The following EYA3 variants were observed in gnomAD, a reference collection of about 807,000 sequenced individuals.
EYA3 encodes the protein protein phosphatase EYA3.
Under a neutral mutation model 80.0 loss-of-function variants are expected in EYA3, and 39 were observed. The ratio of observed to expected loss-of-function variants is 0.49; its 90% CI spans 0.38 to 0.64. The LOEUF (loss-of-function observed/expected upper bound fraction) is 0.64, where lower values mean the gene tolerates loss of function less well. Ranked by LOEUF, EYA3 falls within the 30% of genes least tolerant of loss-of-function variation. The pLI is 0.00. For synonymous variants in EYA3, 206 were observed against 232.8 expected, an observed-to-expected ratio of 0.88 and a Z score of 1.05; for missense variants, 523 against 676.1, an observed-to-expected ratio of 0.77 and a Z score of 2.51.
intron 1 of EYA3, among the ~76,000 whole-genome samples, chr1:28,070,561 CA>C (rs1408010909): frequency 6.8e-6 from 1 of 147,854 alleles, no homozygotes; most frequent in African/African-American, 2.5e-5. Context: ...GACTCCGTCT[CA>C]AAAAAAAGAG....
intron 6 of EYA3, among the ~76,000 whole-genome samples, chr1:28,029,593 CTT>C (rs1226877063): frequency 2.2e-4 from 30 of 135,908 alleles, no homozygotes; most frequent in Admixed American, 3.0e-4. Flanking sequence ...AAAGAAAATC[CTT>C]TTTTTTTTTT....
chr1:28,026,193 T>C lies in EYA3; in HGVS notation c.499+1596A>G, dbSNP rs139047459. ...CTACAGAGGAATGGTGGTTTTACAT[T>C]TTGGTAGAGCATTAAGAGAACCCTT... On this transcript the variant is annotated intron_variant, in intron 7 of 17. Coordinates refer to ENST00000373871, the MANE Select transcript of EYA3 (RefSeq NM_001990.4). Among the ~76,000 whole-genome samples the C allele has an allele frequency of 3.0e-3, 461 of 152,332 alleles. 2 individuals are homozygous for C. Among genetic ancestry groups the C allele is most frequent in the African/African-American group, 0.01 (426 of 41,570 alleles).
At position 27,997,447 on chromosome 1, in the gene EYA3, TA is replaced by T. The variant is rs1360277327; in HGVS notation, c.1084-70del. On this transcript the variant is annotated intron_variant, in intron 12 of 17. Coordinates refer to ENST00000373871, the MANE Select transcript of EYA3 (RefSeq NM_001990.4). ...GTGATATTACCATCATGACATACTA[TA>T]AAAAGACCATATACAGTGGCAGGAT... The T allele has an allele frequency of 5.2e-5, 69 of 1,326,424 alleles. No homozygotes were observed. In the Admixed American group the frequency reaches 1.1e-3, roughly 22 times the overall value. 82.2% of individuals were successfully genotyped at this position (1,326,424 alleles called of 1,614,324 possible).
At chr1:28,074,202 G>A (rs1645125954) in intron 1 of EYA3, among the ~76,000 whole-genome samples, 1 of 152,104 alleles carries the variant, frequency 6.6e-6, no homozygotes, top group Non-Finnish European at 1.5e-5. Flanking sequence ...TATTCTAAAT[G>A]TGACTACCTT....
At chr1:28,026,296 G>T (rs887803001) in intron 7 of EYA3, among the ~76,000 whole-genome samples, 10 of 152,142 alleles carry the variant, frequency 6.6e-5, no homozygotes, top group Non-Finnish European at 1.5e-5. Context: ...CTTACCTGTG[G>T]TTGAACCCAA....
In EYA3 at chr1:28,042,661, CA is replaced by C; in HGVS notation, c.78-12del. ...GGATTGCTTACTTGACTGGGAGAAC[CA>C]AAATGAATACATTAGCCCCTGATTG... On this transcript the variant is annotated splice_polypyrimidine_tract_variant and intron_variant, in intron 3 of 17. Transcript: ENST00000373871. 1 of 1,609,776 alleles carries C rather than the reference CA, an allele frequency of 6.2e-7. No homozygotes were observed. Among genetic ancestry groups the C allele is most frequent in the Non-Finnish European group, 8.5e-7 (1 of 1,176,066 alleles).
chr1:28,061,391 G>T (rs911847311), intron 1 of EYA3, among the ~76,000 whole-genome samples: 1 of 152,138 alleles, frequency 6.6e-6, no homozygotes, highest in Non-Finnish European at 1.5e-5. Flanking sequence ...ATTTATCAAT[G>T]TTTAAAACTT....
At chr1:28,076,497 G>A (rs546326579) in intron 1 of EYA3, among the ~76,000 whole-genome samples, 2 of 151,722 alleles carry the variant, frequency 1.3e-5, no homozygotes, top group African/African-American at 2.4e-5. Context: ...GATTACTTGA[G>A]GTCAGGAGTT....
chr1:27,988,778 T>C, intron 15 of EYA3, 122 bp from the exon 16 acceptor site: 2 of 1,084,498 alleles, frequency 1.8e-6, no homozygotes, highest in South Asian at 1.5e-5. Flanking sequence ...CCTGGTATTA[T>C]ACTGTTCAGA....
intron 11 of EYA3, among the ~76,000 whole-genome samples, chr1:28,002,424 T>C (rs1207946974): frequency 2.0e-5 from 3 of 150,574 alleles, no homozygotes; most frequent in Admixed American, 6.6e-5. Flanking sequence ...TATAAATATA[T>C]ATATAATTTT....
intron 5 of EYA3, 116 bp from the exon 6 acceptor site, chr1:28,035,796 C>T: frequency 1.0e-6 from 1 of 989,218 alleles, no homozygotes; most frequent in Non-Finnish European, 1.5e-6. Flanking sequence ...ACTAATCTTC[C>T]ACATAAAATG....
chr1:28,037,323 AG>A (rs1267814190), intron 5 of EYA3, among the ~76,000 whole-genome samples: 2 of 152,258 alleles, frequency 1.3e-5, no homozygotes, highest in African/African-American at 4.8e-5. Flanking sequence ...TGAATGTAGC[AG>A]GTATGCAAAT....
At chr1:28,022,384 G>A (rs1020520284) in intron 7 of EYA3, among the ~76,000 whole-genome samples, 17 of 151,802 alleles carry the variant, frequency 1.1e-4, no homozygotes, top group Non-Finnish European at 2.4e-4. Flanking sequence ...TCCTGACCTC[G>A]TGATCTGCCT....
Position 28,042,652 on chromosome 1 carries a change from T to G in EYA3, c.78-2A>C. 6.2e-7 allele frequency: 1 copy of G among 1,613,766 alleles called. No individual in the cohort carries two copies. The highest frequency in any genetic ancestry group is 8.5e-7 in the Non-Finnish European group (1 of 1,179,626). On this transcript the variant is annotated splice_acceptor_variant, in intron 3 of 17. Coordinates refer to ENST00000373871, the MANE Select transcript of EYA3 (RefSeq NM_001990.4). LOFTEE classifies it high-confidence loss of function. ...CTGACATCTGGATTGCTTACTTGAC[T>G]GGGAGAACCAAAATGAATACATTAG... is the stretch of plus-strand genomic sequence containing the variant.
intron 4 of EYA3, among the ~76,000 whole-genome samples, chr1:28,040,641 G>A (rs946685597): frequency 2.6e-5 from 4 of 152,108 alleles, no homozygotes; most frequent in Non-Finnish European, 4.4e-5. Flanking sequence ...GAGGAGAAAC[G>A]TATTCTAGAA....
chr1:27,993,075 TG>T (rs1640186040), intron 14 of EYA3, among the ~76,000 whole-genome samples: 1 of 149,798 alleles, frequency 6.7e-6, no homozygotes, highest in East Asian at 1.9e-4. Flanking sequence ...AAAAAAAAAA[TG>T]TGGCACCCTA....
chr1:28,085,344 C>G, intron 1 of EYA3, among the ~76,000 whole-genome samples: 1 of 152,108 alleles, frequency 6.6e-6, no homozygotes, highest in East Asian at 1.9e-4. Flanking sequence ...CCCAGCTATT[C>G]TGGAGGCTGT....
chr1:28,024,382 C>T (rs1467536734), intron 7 of EYA3, among the ~76,000 whole-genome samples: 2 of 152,206 alleles, frequency 1.3e-5, no homozygotes, highest in East Asian at 1.9e-4. Flanking sequence ...TTAGGCTGGG[C>T]GCAGTGGCTC....
rs147367620 is a variant in EYA3, at chr1:28,044,896, G to C, written c.78-2246C>G. Among the ~76,000 whole-genome samples, 68 of 151,892 alleles carry C rather than the reference G, an allele frequency of 4.5e-4. 1 individual carries two copies. Among genetic ancestry groups the C allele is most frequent in the African/African-American group, 1.6e-3 (65 of 41,432 alleles). ...AAGTGATCTTCCTACCTCATCCTCC[G>C]AAGTAGCTGGGACTACAGGCATGTG... On this transcript the variant is annotated intron_variant, in intron 3 of 17. Coordinates refer to ENST00000373871, the MANE Select transcript of EYA3 (RefSeq NM_001990.4).
Sources: gnomAD v4.1 joint callset for allele counts (sites outside exome capture counted in the v4.1 genomes callset) on GRCh38, gnomAD v4.1.1 for gene constraint, MANE v1.5 for transcripts, NCBI Gene and HGNC (gene_info 2026-07-23, HGNC 2026-07-21) for gene names.